IGSF5: variants seen among roughly 807,000 people sequenced by gnomAD.
The protein encoded by IGSF5 is immunoglobulin superfamily member 5.
In IGSF5, 41 loss-of-function variants were observed where a neutral mutation model predicts 39.4. The ratio of observed to expected loss-of-function variants is 1.04; its 90% CI spans 0.81 to 1.35. IGSF5 has a LOEUF of 1.35. Among genes scored for constraint, IGSF5 ranks in the 40% most tolerant of loss-of-function variants. The probability of loss-of-function intolerance (pLI) is 0.00; values close to 1 mark genes in which losing one functional copy is unlikely to be tolerated. For synonymous variants in IGSF5, 183 were observed against 175.3 expected, an observed-to-expected ratio of 1.04 and a Z score of -0.34; for missense variants, 487 against 494.6, an observed-to-expected ratio of 0.98 and a Z score of 0.15.
chr21:39,777,173 A>C (rs2146285941), intron 4 of IGSF5, among the ~76,000 whole-genome samples: 1 of 152,312 alleles, frequency 6.6e-6, no homozygotes, highest in South Asian at 2.1e-4. Flanking sequence ...TCCAACCTTC[A>C]ACTCAAGACT....
At chr21:39,774,274 G>A (rs2080129005) in intron 4 of IGSF5, among the ~76,000 whole-genome samples, 1 of 152,242 alleles carries the variant, frequency 6.6e-6, no homozygotes, top group Admixed American at 6.5e-5. Context: ...AGAACAGCCA[G>A]GTTTCCAGAG....
Position 39,801,446 on chromosome 21 carries a change from G to A in IGSF5, c.*89G>A, listed in dbSNP as rs568692099. 1.5e-3 allele frequency: 1,389 copies of A among 926,342 alleles called. 1 individual carries two copies. The highest frequency in any genetic ancestry group is 2.2e-3 in the Non-Finnish European group (1,281 of 587,398). 57.4% of individuals were successfully genotyped at this position (926,342 alleles called of 1,614,324 possible). On this transcript the variant is annotated 3_prime_UTR_variant, in exon 9 of 9. Transcript: ENST00000380588. ...TTCCTTTCCATCCTAAGACTGGCCT[G>A]CAGCTTTGCCAACATTACCTGAAGA...
chr21:39,737,047 T>A, the IGSF5 span, among the ~76,000 whole-genome samples: 2 of 152,330 alleles, frequency 1.3e-5, no homozygotes, highest in Non-Finnish European at 1.5e-5. Flanking sequence ...GGCCCATGGA[T>A]AAGATGCTAC....
At chr21:39,723,681 G>A in the IGSF5 span, among the ~76,000 whole-genome samples, 2 of 152,160 alleles carry the variant, frequency 1.3e-5, no homozygotes, top group African/African-American at 2.4e-5. Context: ...AAGGTAGAAT[G>A]TATTCCCTAA....
At chr21:39,728,584 C>T in the IGSF5 span, among the ~76,000 whole-genome samples, 1 of 152,152 alleles carries the variant, frequency 6.6e-6, no homozygotes, top group Non-Finnish European at 1.5e-5. Flanking sequence ...CAGGAGATGA[C>T]GCACTCGCTC....
At chr21:39,749,931 C>T (rs9941847) in intron 2 of IGSF5, among the ~76,000 whole-genome samples, 5,677 of 152,222 alleles carry the variant, frequency 0.037, 353 homozygotes, top group African/African-American at 0.13. Flanking sequence ...GCCTTTGCTC[C>T]GCACCTGTGA....
the IGSF5 span, among the ~76,000 whole-genome samples, chr21:39,715,178 C>T: frequency 1.3e-5 from 2 of 152,004 alleles, no homozygotes; most frequent in Non-Finnish European, 2.9e-5. Flanking sequence ...AATGCAGTGG[C>T]GTCATCTCAG....
chr21:39,771,309 A>G lies in IGSF5; in HGVS notation c.718+94A>G. 2.5e-6 allele frequency: 3 copies of G among 1,221,530 alleles called. No homozygotes were observed. In the South Asian group the frequency reaches 6.5e-5, roughly 27 times the overall value. 75.7% of individuals were successfully genotyped at this position (1,221,530 alleles called of 1,614,324 possible). On this transcript the variant is annotated intron_variant, in intron 4 of 8. Coordinates refer to ENST00000380588, the MANE Select transcript of IGSF5 (RefSeq NM_001080444.2). Reference sequence around the variant, plus strand: ...TCCTTCATCCACGATGCCTGGAAAAATCATATGGCGACCTTGATTTTGGGT... The same window carrying G: ...TCCTTCATCCACGATGCCTGGAAAAGTCATATGGCGACCTTGATTTTGGGT...
At chr21:39,788,259 A>C (rs371421293) in intron 6 of IGSF5, 71 bp downstream of exon 6, 1 of 1,097,000 alleles carries the variant, frequency 9.1e-7, no homozygotes. Context: ...TAATAACAAC[A>C]ATACGTACAC....
chr21:39,754,013 G>A (rs1240189602), intron 2 of IGSF5, among the ~76,000 whole-genome samples: 2 of 151,934 alleles, frequency 1.3e-5, no homozygotes, highest in African/African-American at 4.8e-5. Context: ...AAGATGTGAG[G>A]TACTGTTGTA....
intron 8 of IGSF5, among the ~76,000 whole-genome samples, chr21:39,796,696 G>A (rs2086997859): frequency 6.6e-6 from 1 of 152,198 alleles, no homozygotes; most frequent in African/African-American, 2.4e-5. Flanking sequence ...AGAGTTCAGG[G>A]TTGTTGACTA....
chr21:39,754,107 C>T (rs1330098268), intron 2 of IGSF5, among the ~76,000 whole-genome samples: 4 of 152,096 alleles, frequency 2.6e-5, no homozygotes, highest in African/African-American at 9.7e-5. Flanking sequence ...ATGCTTTAAG[C>T]AGGTTCTATT....
intron 5 of IGSF5, 143 bp downstream of exon 5, chr21:39,779,448 T>A (rs1449476192): frequency 9.1e-7 from 1 of 1,095,168 alleles, no homozygotes; most frequent in Non-Finnish European, 1.3e-6. Flanking sequence ...GGTTGCACAC[T>A]GTTGGTGGGA....
At chr21:39,741,139 CT>C (rs2079947096), upstream of IGSF5, among the ~76,000 whole-genome samples, 6 of 151,876 alleles carry the variant, frequency 4.0e-5, no homozygotes, top group South Asian at 1.2e-3. Context: ...GAGGAAAAGT[CT>C]TGCCCCGTTA....
At chr21:39,774,609 C>A (rs1173657097) in intron 4 of IGSF5, among the ~76,000 whole-genome samples, 1 of 152,202 alleles carries the variant, frequency 6.6e-6, no homozygotes, top group Admixed American at 6.5e-5. Flanking sequence ...TCGAGCATTG[C>A]AGACGTATCC....
the IGSF5 span, among the ~76,000 whole-genome samples, chr21:39,711,831 C>T: frequency 6.6e-6 from 1 of 152,170 alleles, no homozygotes. Context: ...CTGCACCCCA[C>T]CAGAAGCCTC....
chr21:39,800,646 G>A (rs1292448476), intron 8 of IGSF5, among the ~76,000 whole-genome samples: 1 of 152,230 alleles, frequency 6.6e-6, no homozygotes, highest in African/African-American at 2.4e-5. Flanking sequence ...TATTTAAGAT[G>A]TTAAGTGCAG....
chr21:39,759,686 G>A (rs937011938), intron 2 of IGSF5, among the ~76,000 whole-genome samples: 1 of 151,846 alleles, frequency 6.6e-6, no homozygotes. Context: ...CTAACATGGC[G>A]AAACCCTATC....
At chr21:39,769,328 G>A (rs554220664) in intron 3 of IGSF5, among the ~76,000 whole-genome samples, 11 of 152,068 alleles carry the variant, frequency 7.2e-5, no homozygotes, top group African/African-American at 2.4e-4. Flanking sequence ...AGTGCTGGGC[G>A]CGGTGGCTTA....
Sources: gnomAD v4.1 joint callset for allele counts (sites outside exome capture counted in the v4.1 genomes callset) on GRCh38, gnomAD v4.1.1 for gene constraint, MANE v1.5 for transcripts, NCBI Gene and HGNC (gene_info 2026-07-23, HGNC 2026-07-21) for gene names.